The following ZNF578 variants were observed in gnomAD, a reference collection of about 807,000 sequenced individuals.
The protein encoded by ZNF578 is Putative chemokine-related protein B42.
ZNF578 carries 8 observed loss-of-function variants against 8.3 expected under a neutral mutation model. The observed-to-expected ratio is 0.96, with a 90% CI of 0.56 to 1.74. ZNF578 has a LOEUF of 1.74. ZNF578 is among the 40% of genes most tolerant of loss of function. The pLI is 0.00. For missense variants in ZNF578, 726 were observed against 707.5 expected (o/e 1.03, Z -0.30); for synonymous variants, 206 against 232.2 (o/e 0.89, Z 1.03).
intron 2 of ZNF578, among the ~76,000 whole-genome samples, chr19:52,480,648 A>G (rs2059322904): frequency 6.6e-6 from 1 of 152,000 alleles, no homozygotes; most frequent in African/African-American, 2.4e-5. Context: ...CTATAATCCC[A>G]GCACTTTAAG....
intron 3 of ZNF578, among the ~76,000 whole-genome samples, chr19:52,497,046 C>T (rs1262255868): frequency 1.3e-5 from 2 of 152,158 alleles, no homozygotes; most frequent in South Asian, 2.1e-4. Context: ...GATTTTCCCA[C>T]CTCAGCCTCC....
At chr19:52,503,707 C>T (rs1320749002) in intron 4 of ZNF578, among the ~76,000 whole-genome samples, 1 of 151,952 alleles carries the variant, frequency 6.6e-6, no homozygotes, top group Non-Finnish European at 1.5e-5. Flanking sequence ...CTCTCTGAAA[C>T]ACCACTTGTA....
chr19:52,465,026 C>T (rs1224302598), intron 2 of ZNF578, among the ~76,000 whole-genome samples: 2 of 152,174 alleles, frequency 1.3e-5, no homozygotes. Flanking sequence ...GCGCCATCTG[C>T]CGGACTTTGT....
At chr19:52,467,439 AT>A (rs1438957215) in intron 2 of ZNF578, among the ~76,000 whole-genome samples, 3 of 152,076 alleles carry the variant, frequency 2.0e-5, no homozygotes, top group South Asian at 2.1e-4. Flanking sequence ...CTCAAAAAAA[AT>A]AAAATAAAAT....
rs1555751349 is a variant in ZNF578, at chr19:52,459,769, A to ATATTTTTTTTTTT, written c.-122+2812_-122+2813insATTTTTTTTTTTT. Among the ~76,000 whole-genome samples, 8 of 17,620 alleles carry ATATTTTTTTTTTT rather than the reference A, an allele frequency of 4.5e-4. 2 individuals carry two copies. Among genetic ancestry groups the ATATTTTTTTTTTT allele is most frequent in the Admixed American group, 3.6e-3 (2 of 552 alleles). 11.6% of individuals were successfully genotyped at this position (17,620 alleles called of 152,430 possible). On this transcript the variant is annotated intron_variant, in intron 2 of 5. Transcript: ENST00000421239. Reference sequence around the variant, plus strand: ...TGTGTGTGTATATATATATATATATATTTTTTTTTTTTTTTTTTTTTTTTG... The same window carrying ATATTTTTTTTTTT: ...TGTGTGTGTATATATATATATATATATATTTTTTTTTTTTTTTTTTTTTTTTTTTTTTTTTTTG...
intron 2 of ZNF578, among the ~76,000 whole-genome samples, chr19:52,464,576 T>C (rs1359917943): frequency 1.3e-5 from 2 of 152,224 alleles, no homozygotes; most frequent in Non-Finnish European, 2.9e-5. Flanking sequence ...GTTTGAATTT[T>C]GTCAGGTGCT....
chr19:52,512,441 G>A lies in ZNF578; in HGVS notation c.*287G>A. ...GAGAGATCTTCCGAGTGTAATAAATGTGGCAAATTTTTCAGACATCGTTCA... is the reference window on the plus strand; with the variant it reads ...GAGAGATCTTCCGAGTGTAATAAATATGGCAAATTTTTCAGACATCGTTCA... On this transcript the variant is annotated 3_prime_UTR_variant, in exon 6 of 6. Coordinates refer to ENST00000421239, the MANE Select transcript of ZNF578 (RefSeq NM_001099694.2). The A allele has an allele frequency of 3.5e-6, 5 of 1,416,860 alleles. No homozygotes were observed. Among genetic ancestry groups the A allele is most frequent in the Non-Finnish European group, 5.0e-6 (5 of 1,009,334 alleles). 87.8% of individuals were successfully genotyped at this position (1,416,860 alleles called of 1,614,324 possible). A position where few individuals can be genotyped will look rare whatever the true frequency, so the allele number is the denominator to read the frequency against.
At chr19:52,484,312 G>C (rs75481827) in intron 2 of ZNF578, among the ~76,000 whole-genome samples, 3 of 152,324 alleles carry the variant, frequency 2.0e-5, no homozygotes, top group African/African-American at 7.2e-5. Flanking sequence ...TGCCAGGGAC[G>C]AGTGGGAGAC....
intron 3 of ZNF578, among the ~76,000 whole-genome samples, chr19:52,494,769 G>C (rs189412847): frequency 7.6e-4 from 116 of 152,210 alleles, no homozygotes; most frequent in African/African-American, 2.6e-3. Context: ...CCAGGGTGGG[G>C]TAGGAAGTGG....
At chr19:52,491,957 G>C (rs1353618636) in intron 3 of ZNF578, among the ~76,000 whole-genome samples, 1 of 151,654 alleles carries the variant, frequency 6.6e-6, no homozygotes, top group Non-Finnish European at 1.5e-5. Context: ...TCAGGAGATC[G>C]AGACCATCCT....
At chr19:52,480,022 G>C (rs1048173785) in intron 2 of ZNF578, among the ~76,000 whole-genome samples, 2 of 152,114 alleles carry the variant, frequency 1.3e-5, no homozygotes, top group African/African-American at 4.8e-5. Flanking sequence ...CCATTCTCCT[G>C]CCTCAGCCTC....
intron 2 of ZNF578, chr19:52,458,483 T>TATATATATATATATATATATATATA (rs1555751157): frequency 1.2e-4 from 18 of 144,818 alleles, no homozygotes; most frequent in African/African-American, 4.2e-4. Flanking sequence ...TATATATATA[T>TATATATATATATATATATATATATA]TTTGAAAATC....
chr19:52,479,185 CAT>C (rs76776693), intron 2 of ZNF578, among the ~76,000 whole-genome samples: 15,222 of 152,052 alleles, frequency 0.1, 1,293 homozygotes, highest in East Asian at 0.33. Context: ...AGCAACTTCA[CAT>C]AAAGTTTTTC....
intron 5 of ZNF578, among the ~76,000 whole-genome samples, chr19:52,505,115 G>T (rs2059421034): frequency 6.6e-6 from 1 of 152,112 alleles, no homozygotes; most frequent in Non-Finnish European, 1.5e-5. Context: ...TCTAACTCCC[G>T]ACCTCAGGTG....
chr19:52,505,012 C>T (rs1371340888), intron 5 of ZNF578, among the ~76,000 whole-genome samples: 7 of 152,046 alleles, frequency 4.6e-5, no homozygotes, highest in East Asian at 1.9e-4. Flanking sequence ...CTCAGCCTCC[C>T]GAGGGGCTGG....
intron 2 of ZNF578, among the ~76,000 whole-genome samples, chr19:52,472,692 A>C (rs1166835236): frequency 6.6e-6 from 1 of 152,210 alleles, no homozygotes. Flanking sequence ...GCCATTCTGT[A>C]AGGAAAAGGA....
At chr19:52,456,029 C>G (rs753157959) in intron 1 of ZNF578, 1 of 152,210 alleles carries the variant, frequency 6.6e-6, no homozygotes, top group Admixed American at 6.5e-5. Context: ...GCTCCTGTCT[C>G]AGGACCTTCA....
At chr19:52,495,930 G>A (rs1047577164) in intron 3 of ZNF578, among the ~76,000 whole-genome samples, 1 of 152,172 alleles carries the variant, frequency 6.6e-6, no homozygotes, top group Admixed American at 6.5e-5. Flanking sequence ...TATATGGAAC[G>A]TGATGAAAGG....
intron 2 of ZNF578, among the ~76,000 whole-genome samples, chr19:52,482,047 T>C (rs560169620): frequency 6.5e-4 from 99 of 151,816 alleles, no homozygotes; most frequent in African/African-American, 2.4e-3. Flanking sequence ...TAGAACTTTT[T>C]TTTGAGAGAG....
Sources: allele counts gnomAD v4.1 joint callset (sites outside exome capture counted in the v4.1 genomes callset), GRCh38; gene constraint gnomAD v4.1.1; transcripts MANE v1.5; gene names NCBI Gene and HGNC (gene_info 2026-07-23, HGNC 2026-07-21).